The following FBXL13 variants were observed in gnomAD, a reference collection of about 807,000 sequenced individuals.
FBXL13 encodes F-box and leucine-rich repeat protein 13.
FBXL13 carries 67 observed loss-of-function variants against 83.6 expected under a neutral mutation model. The observed-to-expected ratio is 0.80, with a 90% CI of 0.66 to 0.98. The LOEUF is 0.98. Among genes scored for constraint, FBXL13 ranks in the 50% least tolerant of loss-of-function variants. FBXL13 has a pLI of 0.00. For missense variants in FBXL13, 822 were observed against 866.5 expected (o/e 0.95, Z 0.64); for synonymous variants, 272 against 299.5 (o/e 0.91, Z 0.95).
chr7:102,908,016 A>G (rs565642794), intron 11 of FBXL13, among the ~76,000 whole-genome samples: 16 of 152,338 alleles, frequency 1.1e-4, no homozygotes, highest in African/African-American at 3.4e-4. Flanking sequence ...CGATTCCTGA[A>G]GGATCTAGAA....
intron 8 of FBXL13, among the ~76,000 whole-genome samples, chr7:102,958,153 T>C (rs1034378331): frequency 2.6e-5 from 4 of 152,126 alleles, no homozygotes; most frequent in Non-Finnish European, 5.9e-5. Flanking sequence ...CCATCAATGA[T>C]AGACTGGATT....
chr7:102,967,238 G>A (rs543335091), intron 7 of FBXL13, among the ~76,000 whole-genome samples: 18 of 150,382 alleles, frequency 1.2e-4, no homozygotes, highest in South Asian at 4.3e-4. Context: ...GATTATAGGC[G>A]TGAGCTACTG....
intron 6 of FBXL13, among the ~76,000 whole-genome samples, chr7:103,017,402 C>A (rs1792486205): frequency 6.6e-6 from 1 of 152,144 alleles, no homozygotes. Flanking sequence ...GCTGAAAATT[C>A]TAAAAATCAG....
At chr7:102,926,252 A>C (rs760772797) in intron 10 of FBXL13, 22 bp downstream of exon 11, 50 of 1,604,656 alleles carry the variant, frequency 3.1e-5, no homozygotes, top group Non-Finnish European at 4.0e-5. Context: ...TTTCAGTGTC[A>C]TACAAATAAC....
intron 6 of FBXL13, among the ~76,000 whole-genome samples, chr7:102,997,150 G>A (rs952294343): frequency 2.0e-5 from 3 of 152,116 alleles, no homozygotes; most frequent in Admixed American, 6.6e-5. Flanking sequence ...TGCCATTTAT[G>A]TCTATTCATC....
At chr7:103,048,677 T>C (rs1796521862) in intron 2 of FBXL13, among the ~76,000 whole-genome samples, 1 of 152,206 alleles carries the variant, frequency 6.6e-6, no homozygotes, top group Non-Finnish European at 1.5e-5. Flanking sequence ...AACCCTATTA[T>C]GCTTTTATTT....
At chr7:103,023,255 G>A (rs1053964795) in intron 6 of FBXL13, among the ~76,000 whole-genome samples, 5 of 151,918 alleles carry the variant, frequency 3.3e-5, no homozygotes, top group East Asian at 1.9e-4. Context: ...CAGCCTGAGC[G>A]ACAGAATGAG....
At chr7:102,872,380 C>T (rs1219581443) in intron 16 of FBXL13, among the ~76,000 whole-genome samples, 1 of 152,158 alleles carries the variant, frequency 6.6e-6, no homozygotes, top group Non-Finnish European at 1.5e-5. Context: ...ACGTTTCAGT[C>T]TTCATGGATC....
At chr7:103,033,782 C>T (rs774825105) in intron 2 of FBXL13, among the ~76,000 whole-genome samples, 81 of 152,250 alleles carry the variant, frequency 5.3e-4, no homozygotes, top group Middle Eastern at 3.4e-3. Flanking sequence ...AAGGGGACCC[C>T]AGCGGGTTCC....
At chr7:103,038,228 C>T (rs570347275) in intron 2 of FBXL13, among the ~76,000 whole-genome samples, 22 of 152,334 alleles carry the variant, frequency 1.4e-4, no homozygotes, top group East Asian at 3.9e-4. Context: ...GATCGACCTG[C>T]GACACTGCAG....
At chr7:103,068,252 T>C (rs1399749331) in intron 1 of FBXL13, among the ~76,000 whole-genome samples, 1 of 151,960 alleles carries the variant, frequency 6.6e-6, no homozygotes, top group Non-Finnish European at 1.5e-5. Flanking sequence ...AACATAGAGA[T>C]TGGTACATAA....
chr7:102,934,079 G>A (rs747300534), intron 8 of FBXL13: 12 of 1,614,100 alleles, frequency 7.4e-6, no homozygotes, highest in South Asian at 5.5e-5. Flanking sequence ...CCCGTGTGAC[G>A]TGTACACATA....
chr7:102,926,333 G>A, exon 10 of FBXL13: 1 of 1,614,020 alleles, frequency 6.2e-7, no homozygotes, highest in Non-Finnish European at 8.5e-7. Flanking sequence ...TGAGACACAG[G>A]ACCCCCGGGC....
At chr7:103,056,821 A>AT (rs534381339) in intron 1 of FBXL13, among the ~76,000 whole-genome samples, 9,422 of 146,136 alleles carry the variant, frequency 0.064, 336 homozygotes, top group South Asian at 0.12. Context: ...GCCAACATCT[A>AT]TTTTTTTTTT....
At chr7:103,042,818 C>A (rs1164568577) in intron 2 of FBXL13, among the ~76,000 whole-genome samples, 1 of 152,118 alleles carries the variant, frequency 6.6e-6, no homozygotes, top group Non-Finnish European at 1.5e-5. Context: ...CAAAAATTAA[C>A]TCAAGATGCA....
chr7:102,977,750 A>T (rs1028076713), intron 6 of FBXL13, among the ~76,000 whole-genome samples: 1 of 152,230 alleles, frequency 6.6e-6, no homozygotes, highest in Admixed American at 6.5e-5. Context: ...CATATGCACC[A>T]TGGAATACTA....
chr7:102,956,998 T>C (rs1824374524), intron 8 of FBXL13, among the ~76,000 whole-genome samples: 1 of 152,196 alleles, frequency 6.6e-6, no homozygotes, highest in Non-Finnish European at 1.5e-5. Context: ...CCCATCAAGC[T>C]ACCAATGACT....
At chr7:102,927,798 T>A (rs1283954152) in intron 9 of FBXL13, among the ~76,000 whole-genome samples, 1 of 152,236 alleles carries the variant, frequency 6.6e-6, no homozygotes, top group Non-Finnish European at 1.5e-5. Flanking sequence ...TATGGATAGA[T>A]AAAATGTGTA....
intron 8 of FBXL13, among the ~76,000 whole-genome samples, chr7:102,958,080 T>G (rs1338603527): frequency 6.6e-6 from 1 of 152,162 alleles, no homozygotes; most frequent in East Asian, 1.9e-4. Context: ...TAAAGACACA[T>G]GCACACATAT....
Sources: gnomAD v4.1 joint callset for allele counts (sites outside exome capture counted in the v4.1 genomes callset) on GRCh38, gnomAD v4.1.1 for gene constraint, MANE v1.5 for transcripts, NCBI Gene and HGNC (gene_info 2026-07-23, HGNC 2026-07-21) for gene names.